EMSY: variants seen among roughly 807,000 people sequenced by gnomAD.
The protein encoded by EMSY is BRCA2-interacting transcriptional repressor EMSY.
EMSY carries 26 observed loss-of-function variants against 134.6 expected under a neutral mutation model. That is an observed-to-expected ratio of 0.19 (90% CI 0.14 to 0.27). The LOEUF (loss-of-function observed/expected upper bound fraction) is 0.27. EMSY is among the 10% of genes least tolerant of loss of function. The pLI, the probability that EMSY is intolerant of heterozygous loss-of-function variation, is 1.00. For missense variants in EMSY, 1,305 were observed against 1,611.4 expected, an observed-to-expected ratio of 0.81 and a Z score of 3.26; for synonymous variants, 579 against 577.8, an observed-to-expected ratio of 1.00 and a Z score of -0.03.
exon 15 of EMSY, chr11:76,535,960 A>G (rs1240952327): frequency 1.2e-6 from 2 of 1,605,040 alleles, no homozygotes; most frequent in Non-Finnish European, 1.7e-6. Flanking sequence ...TGAGATTGCA[A>G]TGGAGACTAG....
chr11:76,461,670 G>A (rs868783278), intron 6 of EMSY, among the ~76,000 whole-genome samples: 3 of 152,302 alleles, frequency 2.0e-5, no homozygotes, highest in South Asian at 2.1e-4. Context: ...AGTGGCTCAC[G>A]CCTGTAATCC....
chr11:76,498,900 G>C (rs1466378448), intron 9 of EMSY, among the ~76,000 whole-genome samples: 4 of 152,110 alleles, frequency 2.6e-5, no homozygotes, highest in African/African-American at 9.7e-5. Context: ...TGTTGTATTT[G>C]AAGTGAGTTT....
At chr11:76,523,737 CTT>C (rs1950739812) in intron 12 of EMSY, among the ~76,000 whole-genome samples, 2 of 47,794 alleles carry the variant, frequency 4.2e-5, no homozygotes, top group East Asian at 9.9e-4. Context: ...ATTTTTACCT[CTT>C]TGAGCTGTTA....
chr11:76,496,274 G>A, exon 9 of EMSY: 1 of 1,614,064 alleles, frequency 6.2e-7, no homozygotes, highest in Non-Finnish European at 8.5e-7. Flanking sequence ...CAAAAGCTTA[G>A]TGAGTGCCCC....
chr11:76,497,551 T>A (rs1336371664), intron 9 of EMSY, among the ~76,000 whole-genome samples: 2 of 152,162 alleles, frequency 1.3e-5, no homozygotes, highest in African/African-American at 4.8e-5. Context: ...CTTTTCAGAT[T>A]ATCTGTTTCA....
chr11:76,473,047 A>C (rs575751963), intron 8 of EMSY, among the ~76,000 whole-genome samples: 2 of 152,334 alleles, frequency 1.3e-5, no homozygotes, highest in East Asian at 3.9e-4. Context: ...GTTGTTTTGC[A>C]CAATACCTAA....
chr11:76,463,606 G>A (rs1191031432), intron 6 of EMSY, among the ~76,000 whole-genome samples: 2 of 145,752 alleles, frequency 1.4e-5, no homozygotes, highest in Admixed American at 6.9e-5. Context: ...GTCCGGCCTG[G>A]GTGACAGAGC....
At chr11:76,461,157 C>T (rs775702232) in intron 6 of EMSY, 10 of 152,148 alleles carry the variant, frequency 6.6e-5, no homozygotes, top group Non-Finnish European at 1.3e-4. Flanking sequence ...AAGTGAGAGA[C>T]AGAAACTGAG....
At position 76,478,100 on chromosome 11, in the gene EMSY, G is replaced by A. The variant is rs1421732404; in HGVS notation, c.1108+5260G>A. ...TTTCTTTAGGCTGGCCCTGAATGCA[G>A]TTTCTGTTTTCCATTCCCATTTCAC... is the stretch of plus-strand genomic sequence containing the variant. On this transcript the variant is annotated intron_variant, in intron 8 of 20. Coordinates refer to ENST00000334736, the Ensembl canonical transcript of EMSY. 3.3e-5 allele frequency among the ~76,000 whole-genome samples: 5 copies of A among 152,170 alleles called. No homozygotes were observed. The East Asian group carries it at 9.7e-4, about 29-fold the overall frequency.
At chr11:76,535,121 G>A (rs2136510616) in intron 14 of EMSY, among the ~76,000 whole-genome samples, 1 of 152,134 alleles carries the variant, frequency 6.6e-6, no homozygotes, top group Admixed American at 6.5e-5. Context: ...ATTTCTATTG[G>A]CCTTCATAGT....
intron 8 of EMSY, among the ~76,000 whole-genome samples, chr11:76,487,162 C>T (rs1340770608): frequency 6.6e-6 from 1 of 152,072 alleles, no homozygotes; most frequent in Non-Finnish European, 1.5e-5. Flanking sequence ...CGCCTGTAGT[C>T]CCAGCTACTC....
At chr11:76,527,135 G>A (rs1398920981) in intron 13 of EMSY, among the ~76,000 whole-genome samples, 1 of 152,070 alleles carries the variant, frequency 6.6e-6, no homozygotes, top group African/African-American at 2.4e-5. Context: ...TTGAGGCTCA[G>A]GATCTAATCA....
At chr11:76,505,378 T>TG (rs1555062050) in intron 9 of EMSY, among the ~76,000 whole-genome samples, 35 of 150,106 alleles carry the variant, frequency 2.3e-4, no homozygotes, top group Non-Finnish European at 4.2e-4. Context: ...TTTTTTTTTT[T>TG]TTTGTAGAGA....
chr11:76,525,408 C>T (rs956803955), intron 12 of EMSY, among the ~76,000 whole-genome samples: 11 of 152,122 alleles, frequency 7.2e-5, no homozygotes, highest in South Asian at 2.1e-4. Flanking sequence ...AGCCAGCTCA[C>T]GTGGGTGCTT....
chr11:76,478,066 T>G (rs1211621618), intron 8 of EMSY, among the ~76,000 whole-genome samples: 2 of 152,210 alleles, frequency 1.3e-5, no homozygotes, highest in African/African-American at 4.8e-5. Flanking sequence ...CTGTCTGCAC[T>G]TTATATACTT....
intron 9 of EMSY, among the ~76,000 whole-genome samples, chr11:76,512,221 T>C (rs947065549): frequency 1.3e-5 from 2 of 151,714 alleles, no homozygotes; most frequent in African/African-American, 4.8e-5. Flanking sequence ...AAATTTATAG[T>C]TGGCATAGGA....
chr11:76,465,343 G>A (rs1212474139), intron 7 of EMSY, among the ~76,000 whole-genome samples: 1 of 152,112 alleles, frequency 6.6e-6, no homozygotes, highest in Non-Finnish European at 1.5e-5. Flanking sequence ...CTAGCTGCGT[G>A]ACTGTGGGAA....
intron 9 of EMSY, among the ~76,000 whole-genome samples, chr11:76,505,940 A>G (rs576342743): frequency 6.6e-6 from 1 of 151,964 alleles, no homozygotes; most frequent in Non-Finnish European, 1.5e-5. Flanking sequence ...AAGGCGAGAG[A>G]ATCACTTGAG....
intron 14 of EMSY, among the ~76,000 whole-genome samples, chr11:76,535,286 T>C (rs1951183973): frequency 6.6e-6 from 1 of 152,140 alleles, no homozygotes. Context: ...ATCCAAGACT[T>C]TGAGCTCCAG....
Sources: allele counts gnomAD v4.1 joint callset (sites outside exome capture counted in the v4.1 genomes callset), GRCh38; gene constraint gnomAD v4.1.1; transcripts MANE v1.5; gene names NCBI Gene and HGNC (gene_info 2026-07-23, HGNC 2026-07-21).